UNC5C: variants seen among roughly 807,000 people sequenced by gnomAD.
The protein encoded by UNC5C is netrin receptor UNC5C.
In UNC5C, 47 loss-of-function variants were observed where a neutral mutation model predicts 99.8. That is an observed-to-expected ratio of 0.47 (90% CI 0.37 to 0.60). The LOEUF (loss-of-function observed/expected upper bound fraction) is 0.60, where lower values mean the gene tolerates loss of function less well. Among genes scored for constraint, UNC5C ranks in the 20% least tolerant of loss-of-function variants. The pLI is 0.00. For missense variants in UNC5C, 1,062 were observed against 1,165.9 expected (o/e 0.91, Z 1.30); for synonymous variants, 487 against 452.2 (o/e 1.08, Z -0.98).
chr4:95,408,394 G>A (rs1223350479), intron 1 of UNC5C, among the ~76,000 whole-genome samples: 2 of 152,064 alleles, frequency 1.3e-5, no homozygotes, highest in African/African-American at 4.8e-5. Context: ...TCACATAAAT[G>A]CATTCAGTCT....
chr4:95,547,067 C>T (rs1304735584), intron 1 of UNC5C, among the ~76,000 whole-genome samples: 2 of 151,912 alleles, frequency 1.3e-5, no homozygotes, highest in East Asian at 1.9e-4. Flanking sequence ...ACACCCCCCT[C>T]TAAGCACCCT....
intron 1 of UNC5C, among the ~76,000 whole-genome samples, chr4:95,400,505 G>T (rs944685151): frequency 2.1e-5 from 3 of 139,862 alleles, no homozygotes; most frequent in Non-Finnish European, 3.0e-5. Flanking sequence ...CCATTTTCCT[G>T]CCTCAGCCTG....
chr4:95,177,415 C>G (rs879492943), intron 14 of UNC5C, among the ~76,000 whole-genome samples: 5 of 151,998 alleles, frequency 3.3e-5, no homozygotes, highest in Admixed American at 1.3e-4. Context: ...GAGCGCCCCC[C>G]ATATGCTGCC....
intron 9 of UNC5C, among the ~76,000 whole-genome samples, chr4:95,217,206 C>T (rs564938013): frequency 1.3e-5 from 2 of 152,146 alleles, no homozygotes; most frequent in South Asian, 4.2e-4. Context: ...ATTTAATTAG[C>T]GAGGAAATGG....
intron 3 of UNC5C, 57 bp downstream of exon 3, chr4:95,301,549 T>G: frequency 6.2e-7 from 1 of 1,608,358 alleles, no homozygotes; most frequent in South Asian, 1.1e-5. Flanking sequence ...CAGTGTAAAC[T>G]TTCCCTTATG....
intron 1 of UNC5C, among the ~76,000 whole-genome samples, chr4:95,417,223 C>T (rs776971574): frequency 1.9e-4 from 29 of 152,028 alleles, no homozygotes; most frequent in African/African-American, 3.9e-4. Context: ...AATGGCACAC[C>T]GGAAAATGAA....
chr4:95,405,314 C>G lies in UNC5C; in HGVS notation c.125-69683G>C, dbSNP rs148287168. Among the ~76,000 whole-genome samples the G allele has an allele frequency of 7.9e-4, 120 of 152,308 alleles. 1 individual carries two copies. Among genetic ancestry groups the G allele is most frequent in the African/African-American group, 2.8e-3 (117 of 41,578 alleles). On this transcript the variant is annotated intron_variant, in intron 1 of 15. Transcript: ENST00000453304. Reference sequence around the variant, plus strand: ...ATGTGCCCATCTGCATACTCCCCCTCACGGAAGGGGTTTGAGTGGTGGGAG... The same window carrying G: ...ATGTGCCCATCTGCATACTCCCCCTGACGGAAGGGGTTTGAGTGGTGGGAG...
At chr4:95,518,707 G>C (rs1208562769) in intron 1 of UNC5C, among the ~76,000 whole-genome samples, 1 of 152,138 alleles carries the variant, frequency 6.6e-6, no homozygotes, top group Middle Eastern at 3.2e-3. Flanking sequence ...TTGTAAAGAA[G>C]CAATCAAACA....
chr4:95,425,488 A>AT (rs917181179), intron 1 of UNC5C, among the ~76,000 whole-genome samples: 1 of 152,062 alleles, frequency 6.6e-6, no homozygotes, highest in African/African-American at 2.4e-5. Context: ...CGCCCAGCTA[A>AT]TTTTTTTGTA....
intron 1 of UNC5C, among the ~76,000 whole-genome samples, chr4:95,427,941 G>A (rs2149459132): frequency 6.6e-6 from 1 of 152,170 alleles, no homozygotes; most frequent in African/African-American, 2.4e-5. Flanking sequence ...ACTCACAAAT[G>A]ATATTTTTCT....
intron 7 of UNC5C, among the ~76,000 whole-genome samples, chr4:95,229,787 CTGT>C (rs1014704607): frequency 1.7e-5 from 2 of 120,516 alleles, no homozygotes; most frequent in African/African-American, 6.5e-5. Flanking sequence ...TCCCCAGAAT[CTGT>C]TGTTTCCTTT....
At chr4:95,351,944 C>A (rs189773623) in intron 1 of UNC5C, among the ~76,000 whole-genome samples, 90 of 152,190 alleles carry the variant, frequency 5.9e-4, no homozygotes, top group Non-Finnish European at 1.0e-3. Flanking sequence ...GGGGACTGTT[C>A]ATTAGCACTC....
chr4:95,499,390 G>T (rs1054283433), intron 1 of UNC5C, among the ~76,000 whole-genome samples: 2 of 152,052 alleles, frequency 1.3e-5, no homozygotes, highest in African/African-American at 4.8e-5. Context: ...CTTCACCATG[G>T]TTACTTGAGA....
intron 1 of UNC5C, among the ~76,000 whole-genome samples, chr4:95,342,095 A>G (rs2149424433): frequency 6.6e-6 from 1 of 152,226 alleles, no homozygotes; most frequent in East Asian, 1.9e-4. Context: ...CAAAGACTAC[A>G]ATTCTTGGGC....
intron 1 of UNC5C, among the ~76,000 whole-genome samples, chr4:95,508,767 C>T (rs1292806511): frequency 2.0e-5 from 3 of 151,836 alleles, no homozygotes; most frequent in Non-Finnish European, 4.4e-5. Context: ...ATGTTATAAC[C>T]CATCTTGGAG....
intron 1 of UNC5C, among the ~76,000 whole-genome samples, chr4:95,488,193 ATTAAGG>A (rs1338784331): frequency 1.3e-5 from 2 of 151,776 alleles, no homozygotes; most frequent in Non-Finnish European, 2.9e-5. Flanking sequence ...GAATACTGAT[ATTAAGG>A]TTATTTATTT....
At chr4:95,436,997 GA>G (rs34226369) in intron 1 of UNC5C, among the ~76,000 whole-genome samples, 369 of 129,162 alleles carry the variant, frequency 2.9e-3, no homozygotes, top group African/African-American at 9.1e-3. Context: ...TTTCTTTCTT[GA>G]AAAAAAAAAA....
At chr4:95,312,312 A>T (rs1057508959) in intron 2 of UNC5C, among the ~76,000 whole-genome samples, 4 of 152,336 alleles carry the variant, frequency 2.6e-5, no homozygotes, top group African/African-American at 9.6e-5. Flanking sequence ...TGTCCTATGC[A>T]TTCTGTATCC....
chr4:95,541,405 T>C (rs1406051381), intron 1 of UNC5C, among the ~76,000 whole-genome samples: 2 of 152,094 alleles, frequency 1.3e-5, no homozygotes, highest in Non-Finnish European at 2.9e-5. Flanking sequence ...ATACTATCTG[T>C]AGTTTCAGGC....
Sources: gnomAD v4.1 joint callset for allele counts (sites outside exome capture counted in the v4.1 genomes callset) on GRCh38, gnomAD v4.1.1 for gene constraint, MANE v1.5 for transcripts, NCBI Gene and HGNC (gene_info 2026-07-23, HGNC 2026-07-21) for gene names.